Variants in RBPJ observed in about 807,000 individuals in gnomAD.
The protein encoded by RBPJ is recombining binding protein suppressor of hairless.
A neutral mutation model predicts 67.8 loss-of-function variants in RBPJ; 9 were observed. The ratio of observed to expected loss-of-function variants is 0.13; its 90% CI spans 0.08 to 0.23. The LOEUF (loss-of-function observed/expected upper bound fraction) is 0.23. RBPJ is among the 10% of genes least tolerant of loss of function. RBPJ has a pLI of 1.00. For synonymous variants in RBPJ, 198 were observed against 203.3 expected (o/e 0.97, Z 0.22); for missense variants, 305 against 595.6 (o/e 0.51, Z 5.08).
At chr4:26,291,464 G>A (rs1414824929) in intron 1 of RBPJ, among the ~76,000 whole-genome samples, 1 of 150,888 alleles carries the variant, frequency 6.6e-6, no homozygotes, top group Non-Finnish European at 1.5e-5. Flanking sequence ...ACATCAAATT[G>A]TCATGTGGGA....
At chr4:26,378,748 TGA>T (rs1376475500) in intron 1 of RBPJ, among the ~76,000 whole-genome samples, 2 of 152,162 alleles carry the variant, frequency 1.3e-5, no homozygotes, top group African/African-American at 2.4e-5. Context: ...TAAATGAGGC[TGA>T]GTGTGGTGGC....
At chr4:26,153,609 G>T in the RBPJ span, among the ~76,000 whole-genome samples, 1 of 152,164 alleles carries the variant, frequency 6.6e-6, no homozygotes, top group Non-Finnish European at 1.5e-5. Flanking sequence ...AGTAACAGTG[G>T]TTTTTGTCTT....
intron 1 of RBPJ, among the ~76,000 whole-genome samples, chr4:26,296,307 T>G (rs1389936716): frequency 1.3e-5 from 2 of 152,210 alleles, no homozygotes; most frequent in Non-Finnish European, 1.5e-5. Flanking sequence ...TTTTTTCTTT[T>G]TTTAGCATTA....
chr4:26,125,944 G>A, the RBPJ span, among the ~76,000 whole-genome samples: 1 of 152,172 alleles, frequency 6.6e-6, no homozygotes, highest in African/African-American at 2.4e-5. Context: ...CTCCAGGTGT[G>A]CGGATGGGGA....
At chr4:26,180,121 A>C (rs1716929707) in intron 1 of RBPJ, among the ~76,000 whole-genome samples, 1 of 152,160 alleles carries the variant, frequency 6.6e-6, no homozygotes, top group South Asian at 2.1e-4. Flanking sequence ...GAGCTAAATG[A>C]TGAGAACACA....
intron 5 of RBPJ, among the ~76,000 whole-genome samples, chr4:26,421,357 C>T (rs2109807530): frequency 6.6e-6 from 1 of 151,774 alleles, no homozygotes; most frequent in Admixed American, 6.6e-5. Context: ...GGCTGGAGTG[C>T]AGTGGCAGGA....
At chr4:26,294,484 C>T (rs1022682263) in intron 1 of RBPJ, among the ~76,000 whole-genome samples, 4 of 151,570 alleles carry the variant, frequency 2.6e-5, no homozygotes, top group East Asian at 1.9e-4. Flanking sequence ...TTGTAGGGGA[C>T]GGGAGTGGAG....
chr4:26,212,345 A>G (rs1026411145), intron 1 of RBPJ, among the ~76,000 whole-genome samples: 51 of 151,606 alleles, frequency 3.4e-4, no homozygotes. Flanking sequence ...CTATTATTAC[A>G]ATGTTGGGGC....
intron 1 of RBPJ, among the ~76,000 whole-genome samples, chr4:26,274,896 T>C (rs1317474354): frequency 2.0e-5 from 3 of 151,010 alleles, no homozygotes; most frequent in Non-Finnish European, 4.4e-5. Flanking sequence ...ATCACGCCAT[T>C]GCATGATCCT....
upstream of RBPJ, among the ~76,000 whole-genome samples, chr4:26,317,587 A>G (rs1483053884): frequency 6.6e-6 from 1 of 152,206 alleles, no homozygotes; most frequent in Non-Finnish European, 1.5e-5. Flanking sequence ...CAAGAACGGA[A>G]GAAGGGAGGA....
chr4:26,321,152 G>A, intron 1 of RBPJ, 104 bp downstream of exon 1: 2 of 635,694 alleles, frequency 3.1e-6, no homozygotes, highest in Non-Finnish European at 2.3e-6. Flanking sequence ...TTGGCGTTCG[G>A]GGGCCCGCGG....
At chr4:26,282,529 G>GTT (rs11459776) in intron 1 of RBPJ, among the ~76,000 whole-genome samples, 1 of 148,296 alleles carries the variant, frequency 6.7e-6, no homozygotes, top group Admixed American at 6.7e-5. Context: ...TTTTCTTTTT[G>GTT]TTTTTTTTGA....
intron 2 of RBPJ, among the ~76,000 whole-genome samples, chr4:26,389,654 A>T (rs1731298922): frequency 6.6e-6 from 1 of 151,464 alleles, no homozygotes; most frequent in Admixed American, 6.6e-5. Context: ...TGTTTGAAGG[A>T]TAATAAGTGA....
upstream of RBPJ, chr4:26,319,852 G>A (rs1345370974): frequency 6.3e-7 from 1 of 1,598,882 alleles, no homozygotes; most frequent in Non-Finnish European, 8.6e-7. Flanking sequence ...CTCTAGGAAA[G>A]GAAAGAGCAA....
At chr4:26,275,161 C>T (rs565935460) in intron 1 of RBPJ, among the ~76,000 whole-genome samples, 125 of 152,298 alleles carry the variant, frequency 8.2e-4, no homozygotes, top group African/African-American at 2.9e-3. Context: ...ATAACTTACC[C>T]AAGGTCACAC....
intron 1 of RBPJ, among the ~76,000 whole-genome samples, chr4:26,365,597 T>C (rs920185812): frequency 6.6e-6 from 1 of 152,248 alleles, no homozygotes; most frequent in Non-Finnish European, 1.5e-5. Context: ...AAATAAAATA[T>C]ATCCACATTT....
At chr4:26,348,032 G>C in intron 1 of RBPJ, among the ~76,000 whole-genome samples, 1 of 150,168 alleles carries the variant, frequency 6.7e-6, no homozygotes, top group East Asian at 2.0e-4. Context: ...CACCATCTCA[G>C]CTCACTGCAA....
chr4:26,142,929 G>A, the RBPJ span, among the ~76,000 whole-genome samples: 2 of 152,222 alleles, frequency 1.3e-5, no homozygotes, highest in East Asian at 3.9e-4. Context: ...TTACAGGCAG[G>A]CACCACCATG....
chr4:26,402,292 C>T (rs1732911538), intron 2 of RBPJ, among the ~76,000 whole-genome samples: 1 of 152,314 alleles, frequency 6.6e-6, no homozygotes, highest in South Asian at 2.1e-4. Flanking sequence ...ATCTCTGGTA[C>T]CCAGCAGTTT....
Sources: gnomAD v4.1 joint callset for allele counts (sites outside exome capture counted in the v4.1 genomes callset) on GRCh38, gnomAD v4.1.1 for gene constraint, MANE v1.5 for transcripts, NCBI Gene and HGNC (gene_info 2026-07-23, HGNC 2026-07-21) for gene names.